DIMT1: variants seen among roughly 807,000 people sequenced by gnomAD.
DIMT1 encodes the protein DIM1 rRNA methyltransferase and ribosome maturation factor, also known as dimethyladenosine transferase.
In DIMT1, 36 loss-of-function variants were observed where a neutral mutation model predicts 43.2. The ratio of observed to expected loss-of-function variants is 0.83; its 90% CI spans 0.64 to 1.10. The LOEUF (loss-of-function observed/expected upper bound fraction) is 1.10, where lower values mean the gene tolerates loss of function less well. Ranked by LOEUF, DIMT1 falls within the 50% of genes least tolerant of loss-of-function variation. The pLI, the probability that DIMT1 is intolerant of heterozygous loss-of-function variation, is 0.00. For missense variants in DIMT1, 341 were observed against 385.3 expected (o/e 0.88, Z 0.96); for synonymous variants, 126 against 130.3 (o/e 0.97, Z 0.22).
At chr5:62,394,373 G>T in intron 7 of DIMT1, 111 bp downstream of exon 7, 1 of 1,190,470 alleles carries the variant, frequency 8.4e-7, no homozygotes, top group Non-Finnish European at 1.2e-6. Context: ...GACTCGAGAA[G>T]ATTGCTTGAG....
intron 3 of DIMT1, among the ~76,000 whole-genome samples, chr5:62,401,271 G>A (rs1160129960): frequency 4.6e-5 from 7 of 151,960 alleles, no homozygotes; most frequent in Non-Finnish European, 7.4e-5. Flanking sequence ...CAAAGTTGGC[G>A]GATCACCTGA....
At chr5:62,392,302 CT>C in intron 9 of DIMT1, 68 bp from the exon 10 acceptor site, 60 of 1,401,980 alleles carry the variant, frequency 4.3e-5, no homozygotes, top group Admixed American at 5.9e-5. Flanking sequence ...CTTTTTTAAA[CT>C]TTTTTTTAAC....
Position 62,392,978 on chromosome 5 carries a change from G to C in DIMT1, c.676C>G (p.Leu226Val). Residue 226 changes from leucine to valine, a missense_variant, in exon 9 of 12, where the codon CTA (leucine) becomes GTA (valine). Transcript: ENST00000199320. ...TTCCTAACAAAGGTTATCCTTACTA[G>C]ACCATCCCATTCCTGAAATAGAAGA... ...PPINFQEWDG[L>V]VRITFVRKNK... 6.2e-7 allele frequency: 1 copy of C among 1,608,708 alleles called. No individual in the cohort carries two copies. The highest frequency in any genetic ancestry group is 1.7e-5 in the Admixed American group (1 of 59,762).
In DIMT1 at chr5:62,403,349, G is replaced by T; in HGVS notation, c.80-3C>A. On this transcript the variant is annotated splice_region_variant and splice_polypyrimidine_tract_variant and intron_variant, in intron 1 of 11. Transcript: ENST00000199320. ...AATCCCCGTGTTGAACATGAGTCCT[G>T]TAAGAAAATACGAAACAGCATTAAT... 3.1e-6 allele frequency: 5 copies of T among 1,613,496 alleles called. No individual in the cohort carries two copies. Among genetic ancestry groups the T allele is most frequent in the Non-Finnish European group, 4.2e-6 (5 of 1,179,492 alleles).
At chr5:62,399,580 G>A (rs908333337) in intron 3 of DIMT1, among the ~76,000 whole-genome samples, 5 of 151,550 alleles carry the variant, frequency 3.3e-5, no homozygotes, top group African/African-American at 1.2e-4. Flanking sequence ...GGAGGCGGAG[G>A]TTGCCATGAG....
At position 62,398,900 on chromosome 5, in the gene DIMT1, A is replaced by C. The variant is rs1294297865; in HGVS notation, c.241-19T>G. The C allele has an allele frequency of 6.4e-7, 1 of 1,569,722 alleles. No individual in the cohort carries two copies. Among genetic ancestry groups the C allele is most frequent in the East Asian group, 2.4e-5 (1 of 42,536 alleles). ...CAACAACCTAATTTAAAAAAAATAAAAATTATTTAGGTTAATTATGGAATA... is the reference window on the plus strand; with the variant it reads ...CAACAACCTAATTTAAAAAAAATAACAATTATTTAGGTTAATTATGGAATA... On this transcript the variant is annotated intron_variant, in intron 3 of 11. Transcript: ENST00000199320.
At chr5:62,400,016 C>T (rs1410818208) in intron 3 of DIMT1, among the ~76,000 whole-genome samples, 2 of 152,092 alleles carry the variant, frequency 1.3e-5, no homozygotes, top group Non-Finnish European at 2.9e-5. Flanking sequence ...TGTCTCCATG[C>T]TTTGTAATTC....
Position 62,403,326 on chromosome 5 carries a change from TC to T in DIMT1, c.99del (p.Ile34LeufsTer6). The T allele has an allele frequency of 6.2e-7, 1 of 1,613,958 alleles. No homozygotes were observed. Among genetic ancestry groups the T allele is most frequent in the Admixed American group, 1.7e-5 (1 of 60,012 alleles). On this transcript the variant is annotated frameshift_variant, in exon 2 of 12. Coordinates refer to ENST00000199320, the MANE Select transcript of DIMT1 (RefSeq NM_014473.4). LOFTEE classifies it high-confidence loss of function. ...KSAGGLMFNT[G>X]IGQHILKNPL... ...GGATTTTTCAAAATGTGCTGCCCAA[TC>T]CCCGTGTTGAACATGAGTCCTGTAA...
Position 62,403,688 on chromosome 5 carries a change from CCG to C in DIMT1, c.79+4_79+5del. The stretch of plus-strand genomic sequence containing the variant: ...CCGACCCCAGCTTCCTCGCGGGGAT[CCG>C]CACCTCCAGCGCTCTTCAGCTCCCG... On this transcript the variant is annotated splice_donor_5th_base_variant and intron_variant, in intron 1 of 11. Transcript: ENST00000199320. The C allele has an allele frequency of 6.2e-7, 1 of 1,606,216 alleles. No individual in the cohort carries two copies. Among genetic ancestry groups the C allele is most frequent in the South Asian group, 1.1e-5 (1 of 90,306 alleles).
At chr5:62,392,706 T>C (rs1742352053) in intron 9 of DIMT1, 2 of 435,630 alleles carry the variant, frequency 4.6e-6, no homozygotes, top group East Asian at 3.7e-5. Context: ...AGTGTTTTCC[T>C]GTTTTGCCAA....
intron 3 of DIMT1, among the ~76,000 whole-genome samples, chr5:62,399,595 G>A (rs1742625361): frequency 6.6e-6 from 1 of 151,068 alleles, no homozygotes; most frequent in East Asian, 1.9e-4. Context: ...CATGAGCCAA[G>A]ACTGTGCCAC....
At chr5:62,398,596 C>T (rs763849138) in intron 5 of DIMT1, 36 bp from the exon 6 acceptor site, 22 of 1,612,730 alleles carry the variant, frequency 1.4e-5, no homozygotes, top group Non-Finnish European at 1.8e-5. Flanking sequence ...CCGGGAAAGA[C>T]ACATCAGAGG....
intron 6 of DIMT1, among the ~76,000 whole-genome samples, chr5:62,397,109 C>T (rs191940079): frequency 1.2e-4 from 18 of 152,130 alleles, no homozygotes; most frequent in African/African-American, 4.3e-4. Flanking sequence ...ACCACAATGC[C>T]CAGCTAATTT....
chr5:62,395,433 G>A (rs1476683221), intron 6 of DIMT1, among the ~76,000 whole-genome samples: 1 of 152,142 alleles, frequency 6.6e-6, no homozygotes, highest in Non-Finnish European at 1.5e-5. Context: ...TTTTGACAAT[G>A]AGTCACACTA....
At chr5:62,397,870 G>A (rs1360143964) in intron 6 of DIMT1, among the ~76,000 whole-genome samples, 1 of 152,022 alleles carries the variant, frequency 6.6e-6, no homozygotes, top group Admixed American at 6.6e-5. Flanking sequence ...GGATGGTCTC[G>A]ATCTCCTGAC....
intron 11 of DIMT1, among the ~76,000 whole-genome samples, chr5:62,389,469 G>A (rs1033103420): frequency 3.4e-5 from 3 of 87,260 alleles, no homozygotes. Flanking sequence ...CTGGGTGACA[G>A]AGCAAGACTC....
chr5:62,394,755 G>A, intron 6 of DIMT1, 148 bp from the exon 7 acceptor site: 9 of 1,139,280 alleles, frequency 7.9e-6, no homozygotes, highest in Non-Finnish European at 1.1e-5. Flanking sequence ...TTTTTTTATT[G>A]CCACAGAATG....
At chr5:62,400,896 C>A (rs538486446) in intron 3 of DIMT1, among the ~76,000 whole-genome samples, 3 of 151,692 alleles carry the variant, frequency 2.0e-5, no homozygotes, top group African/African-American at 4.8e-5. Context: ...CTAGCCAGGG[C>A]TACAGTCAGG....
Position 62,393,962 on chromosome 5 carries a change from T to C in DIMT1, c.656A>G (p.Asn219Ser), listed in dbSNP as rs779068723. The C allele has an allele frequency of 5.0e-6, 8 of 1,607,398 alleles. No individual in the cohort carries two copies. The highest frequency in any genetic ancestry group is 4.5e-5 in the East Asian group (2 of 44,684). ...CTAGTATTTTAACCTCACCTGAAAA[T>C]TGATGGGTGGTGGTGGATTCTTAGG... ...IEPKNPPPPI[N>S]FQEWDGLVRI... is the part of the protein sequence containing the mutation. The change falls in exon 8 of 12, where the codon AAT becomes AGT. Residue 219 changes from asparagine (N) to serine (S), a missense_variant. By Grantham distance (46) the Asn-to-Ser change is conservative (BLOSUM62 1). Coordinates refer to ENST00000199320, the MANE Select transcript of DIMT1 (RefSeq NM_014473.4).
Sources: allele counts gnomAD v4.1 joint callset (sites outside exome capture counted in the v4.1 genomes callset), GRCh38; gene constraint gnomAD v4.1.1; transcripts MANE v1.5; gene names NCBI Gene and HGNC (gene_info 2026-07-23, HGNC 2026-07-21).